COL17A1: variants seen among roughly 807,000 people sequenced by gnomAD.
COL17A1 encodes collagen alpha-1(XVII) chain.
A neutral mutation model predicts 218.4 loss-of-function variants in COL17A1; 181 were observed. The observed-to-expected ratio is 0.83, with a 90% CI of 0.73 to 0.94. The LOEUF (loss-of-function observed/expected upper bound fraction) is 0.94, where lower values mean the gene tolerates loss of function less well. Ranked by LOEUF, COL17A1 falls within the 40% of genes least tolerant of loss-of-function variation. COL17A1 has a pLI of 0.00. For synonymous variants in COL17A1, 721 were observed against 731.0 expected (o/e 0.99, Z 0.22); for missense variants, 1,924 against 1,945.9 (o/e 0.99, Z 0.21).
intron 9 of COL17A1, among the ~76,000 whole-genome samples, chr10:104,065,835 G>A (rs1363236287): frequency 1.3e-5 from 2 of 152,214 alleles, no homozygotes; most frequent in African/African-American, 4.8e-5. Context: ...AGGCGTGGTT[G>A]AATCCCCAGG....
Position 104,063,078 on chromosome 10 carries a change from C to A in COL17A1, c.838+669G>T, listed in dbSNP as rs76253822. Among the ~76,000 whole-genome samples, 18 of 152,278 alleles carry A rather than the reference C, an allele frequency of 1.2e-4. No individual in the cohort carries two copies. In the East Asian group the frequency reaches 3.5e-3, roughly 29 times the overall value. On this transcript the variant is annotated intron_variant, in intron 11 of 55. Transcript: ENST00000648076. ...TCAACTGGAGGAAGGTGCTGAAAAT[C>A]TGAATGCAAAACTTGTACTTGCCTC...
intron 44 of COL17A1, among the ~76,000 whole-genome samples, chr10:104,038,807 T>A (rs2086328770): frequency 6.6e-6 from 1 of 152,022 alleles, no homozygotes; most frequent in Non-Finnish European, 1.5e-5. Flanking sequence ...TTCTCTCAAC[T>A]CCCCAGCACC....
intron 5 of COL17A1, 112 bp downstream of exon 5, chr10:104,076,188 TG>T: frequency 1.3e-6 from 2 of 1,517,566 alleles, no homozygotes; most frequent in Non-Finnish European, 1.8e-6. Flanking sequence ...GAAGGAGGAG[TG>T]GGGAGAAAGG....
Position 104,040,596 on chromosome 10 carries a change from G to GGATA in COL17A1, c.2702-190_2702-187dup, listed in dbSNP as rs2086349627. On this transcript the variant is annotated intron_variant, in intron 39 of 55. Transcript: ENST00000648076. ...TGGATGGATGGATGGATGGATGGAT[G>GGATA]GATAGGTGGATGGATGGATGGATGG... Among the ~76,000 whole-genome samples, 3 of 143,588 alleles carry GGATA rather than the reference G, an allele frequency of 2.1e-5. No homozygotes were observed. The South Asian group carries it at 6.3e-4, about 30-fold the overall frequency. The allele number at this position is 143,588 out of a possible 152,430, so 94.2% of individuals were successfully genotyped here.
At position 104,036,556 on chromosome 10, in the gene COL17A1, T is replaced by C; in HGVS notation, c.3354A>G (p.Gly1118=). Residue 1118 remains glycine (G), a synonymous_variant, in exon 48 of 56, where the codon GGA becomes GGG. Transcript: ENST00000648076. The part of the protein sequence containing the change: ...RGPPGPPGAS[G]DGSLLSLDYA... Reference sequence around the variant, plus strand: ...AGTCCAAAGACAGGAGGGACCCATCTCCACTGGCTCCTGGTGGCCCTGGCG... The same window carrying C: ...AGTCCAAAGACAGGAGGGACCCATCCCCACTGGCTCCTGGTGGCCCTGGCG... The C allele has an allele frequency of 6.2e-7, 1 of 1,613,916 alleles. No individual in the cohort carries two copies. The highest frequency in any genetic ancestry group is 8.5e-7 in the Non-Finnish European group (1 of 1,179,926).
At chr10:104,061,373 C>G (rs1195775163) in intron 13 of COL17A1, 32 bp downstream of exon 13, 7 of 1,605,004 alleles carry the variant, frequency 4.4e-6, no homozygotes, top group Non-Finnish European at 4.3e-6. Flanking sequence ...TGTGCACCAG[C>G]CTGAACCCTG....
chr10:104,085,238 A>G (rs1318716673), intron 1 of COL17A1, among the ~76,000 whole-genome samples: 1 of 152,152 alleles, frequency 6.6e-6, no homozygotes, highest in Non-Finnish European at 1.5e-5. Flanking sequence ...TTAATCAGAG[A>G]GGCCCAGTCA....
intron 7 of COL17A1, 24 bp downstream of exon 7, chr10:104,073,186 A>T (rs1440658792): frequency 1.9e-6 from 3 of 1,609,658 alleles, no homozygotes; most frequent in Non-Finnish European, 2.6e-6. Flanking sequence ...AATGAATTGG[A>T]CTGAACCCAG....
intron 52 of COL17A1, among the ~76,000 whole-genome samples, 190 bp from the exon 53 acceptor site, chr10:104,033,565 C>T (rs954948200): frequency 6.6e-6 from 1 of 152,218 alleles, no homozygotes; most frequent in South Asian, 2.1e-4. Context: ...CTGCTGTGGG[C>T]CGGCATCAAA....
intron 11 of COL17A1, among the ~76,000 whole-genome samples, chr10:104,062,969 T>C (rs2086595965): frequency 6.6e-6 from 1 of 152,232 alleles, no homozygotes; most frequent in Non-Finnish European, 1.5e-5. Context: ...ACCTGGTTTT[T>C]ATCAGGACTT....
intron 50 of COL17A1, 108 bp from the exon 51 acceptor site, chr10:104,034,875 GCT>G: frequency 7.1e-7 from 1 of 1,400,616 alleles, no homozygotes; most frequent in Non-Finnish European, 9.8e-7. Context: ...AGGGGATGAG[GCT>G]GGGCCTCCCG....
rs371499582 is a variant in COL17A1 at position 104,047,829 on chromosome 10, A to G, written c.2264-19T>C. ...TGTTCACCTAGAGAGAGAATGGCCA[A>G]CGTGGAAGTGTTTACATTTAGGAAA... is the stretch of plus-strand genomic sequence containing the variant. On this transcript the variant is annotated intron_variant, in intron 30 of 55. Coordinates refer to ENST00000648076, the MANE Select transcript of COL17A1 (RefSeq NM_000494.4). 50 of 1,606,140 alleles carry G rather than the reference A, an allele frequency of 3.1e-5. No individual in the cohort carries two copies. In the East Asian group the frequency reaches 6.0e-4, roughly 19 times the overall value.
At chr10:104,068,463 T>C (rs2086644659) in intron 9 of COL17A1, among the ~76,000 whole-genome samples, 2 of 152,198 alleles carry the variant, frequency 1.3e-5, no homozygotes, top group Admixed American at 6.5e-5. Context: ...ATAATCCTTA[T>C]GTGAAAAAGG....
intron 52 of COL17A1, 76 bp from the exon 53 acceptor site, chr10:104,033,451 C>A: frequency 6.5e-7 from 1 of 1,543,480 alleles, no homozygotes; most frequent in Non-Finnish European, 8.8e-7. Flanking sequence ...CAGTGCCCTC[C>A]GAGTGTCAAA....
At chr10:104,074,161 T>A (rs746615288) in intron 6 of COL17A1, 23 bp downstream of exon 6, 2 of 1,614,114 alleles carry the variant, frequency 1.2e-6, no homozygotes, top group East Asian at 4.5e-5. Context: ...ACCATTTCTT[T>A]AGAAAATAAG....
chr10:104,038,223 G>GACACACACAC (rs1170048144), intron 45 of COL17A1, among the ~76,000 whole-genome samples, 183 bp downstream of exon 45: 1 of 126,560 alleles, frequency 7.9e-6, no homozygotes, highest in African/African-American at 3.2e-5. Context: ...TGGACACATA[G>GACACACACAC]ACACACATAC....
Position 104,042,434 on chromosome 10 carries a change from A to AC in COL17A1, c.2536_2537insG (p.Leu846ArgfsTer9), listed in dbSNP as rs1440579366. ...GTGTGACATACCTTGATGTCCTGGG[A>AC]GACCAGCTGGGCCGGCAGGGCCTGG... On this transcript the variant is annotated frameshift_variant, in exon 36 of 56. Coordinates refer to ENST00000648076, the MANE Select transcript of COL17A1 (RefSeq NM_000494.4). LOFTEE classifies it high-confidence loss of function. 6.2e-7 allele frequency: 1 copy of AC among 1,614,036 alleles called. No homozygotes were observed. The highest frequency in any genetic ancestry group is 8.5e-7 in the Non-Finnish European group (1 of 1,180,036).
At chr10:104,078,710 C>A in intron 2 of COL17A1, 124 bp from the exon 3 acceptor site, 1 of 1,354,698 alleles carries the variant, frequency 7.4e-7, no homozygotes, top group Non-Finnish European at 1.0e-6. Flanking sequence ...ATTTTTCTAT[C>A]CTTGTGCTTT....
intron 17 of COL17A1, 42 bp downstream of exon 17, chr10:104,056,933 G>A: frequency 2.6e-6 from 4 of 1,551,706 alleles, no homozygotes; most frequent in South Asian, 2.4e-5. Context: ...GGGCTGGCCT[G>A]CCTCCTACCA....
Sources: gnomAD v4.1 joint callset for allele counts (sites outside exome capture counted in the v4.1 genomes callset) on GRCh38, gnomAD v4.1.1 for gene constraint, MANE v1.5 for transcripts, NCBI Gene and HGNC (gene_info 2026-07-23, HGNC 2026-07-21) for gene names.